Variants in ULK4 observed in about 807,000 individuals in gnomAD.
ULK4 encodes the protein unc-51 like kinase 4.
Under a neutral mutation model 160.6 loss-of-function variants are expected in ULK4, and 133 were observed. The ratio of observed to expected loss-of-function variants is 0.83; its 90% CI spans 0.72 to 0.96. ULK4 has a LOEUF of 0.96. Among genes scored for constraint, ULK4 ranks in the 40% least tolerant of loss-of-function variants. The probability of loss-of-function intolerance (pLI) is 0.00; values close to 1 mark genes in which losing one functional copy is unlikely to be tolerated. For missense variants in ULK4, 1,580 were observed against 1,499.5 expected (o/e 1.05, Z -0.89); for synonymous variants, 534 against 539.8 (o/e 0.99, Z 0.15).
chr3:41,716,257 A>ATAAT (rs61069235), intron 23 of ULK4, among the ~76,000 whole-genome samples: 5 of 146,192 alleles, frequency 3.4e-5, no homozygotes, highest in Admixed American at 6.9e-5. Context: ...AATAATAATA[A>ATAAT]GTGAACGAAT....
intron 35 of ULK4, among the ~76,000 whole-genome samples, chr3:41,324,866 C>T (rs531996826): frequency 1.8e-4 from 27 of 152,214 alleles, no homozygotes; most frequent in Middle Eastern, 3.4e-3. Context: ...TTCCAACCAG[C>T]GCCTCATGAT....
intron 35 of ULK4, among the ~76,000 whole-genome samples, chr3:41,331,306 C>T (rs184305189): frequency 1.5e-3 from 228 of 152,244 alleles, no homozygotes; most frequent in Non-Finnish European, 2.7e-3. Flanking sequence ...AAACACTTGG[C>T]CAAGTCAGTT....
At chr3:41,346,489 C>T (rs1463699081) in intron 35 of ULK4, among the ~76,000 whole-genome samples, 1 of 152,160 alleles carries the variant, frequency 6.6e-6, no homozygotes, top group Non-Finnish European at 1.5e-5. Context: ...TGGCTCAGTG[C>T]TCCCACCAGT....
chr3:41,431,339 T>C (rs2082900695), intron 34 of ULK4, among the ~76,000 whole-genome samples: 1 of 147,088 alleles, frequency 6.8e-6, no homozygotes, highest in South Asian at 2.2e-4. Flanking sequence ...ACAGCGAGAC[T>C]CCGTCACACA....
rs538239938 is a variant in ULK4 at position 41,511,502 on chromosome 3, T to G, written c.3227-48249A>C. On this transcript the variant is annotated intron_variant, in intron 32 of 36. Transcript: ENST00000301831. Reference sequence around the variant, plus strand: ...AACACAAAAGATTATTCAAGGCTACTATGAGCACCTTTTGGCACATAAACT... The same window carrying G: ...AACACAAAAGATTATTCAAGGCTACGATGAGCACCTTTTGGCACATAAACT... Among the ~76,000 whole-genome samples, 260 of 152,282 alleles carry G rather than the reference T, an allele frequency of 1.7e-3. 3 individuals are homozygous for G. The highest frequency in any genetic ancestry group is 2.7e-3 in the Non-Finnish European group (183 of 68,024).
chr3:41,652,442 G>C (rs1010730914), intron 30 of ULK4, among the ~76,000 whole-genome samples: 1 of 152,158 alleles, frequency 6.6e-6, no homozygotes, highest in African/African-American at 2.4e-5. Flanking sequence ...ACCTGGGTTT[G>C]TTTCTGCAGG....
chr3:41,344,972 A>G (rs2080769804), intron 35 of ULK4, among the ~76,000 whole-genome samples: 2 of 152,216 alleles, frequency 1.3e-5, no homozygotes, highest in Non-Finnish European at 2.9e-5. Context: ...GGCAAAGGAC[A>G]TGAACAGACA....
chr3:41,330,948 T>G (rs1339079994), intron 35 of ULK4, among the ~76,000 whole-genome samples: 1 of 152,136 alleles, frequency 6.6e-6, no homozygotes, highest in African/African-American at 2.4e-5. Context: ...AGCTTAGCAT[T>G]TGGCATTGCA....
At chr3:41,785,153 T>C (rs929154465) in intron 21 of ULK4, among the ~76,000 whole-genome samples, 8 of 152,182 alleles carry the variant, frequency 5.3e-5, no homozygotes, top group Non-Finnish European at 7.3e-5. Context: ...GTGTTCATCA[T>C]ATCATGATGA....
At chr3:41,429,297 G>A (rs1431006610) in intron 34 of ULK4, among the ~76,000 whole-genome samples, 4 of 152,180 alleles carry the variant, frequency 2.6e-5, no homozygotes, top group African/African-American at 9.7e-5. Context: ...TTACACTGTT[G>A]GTGGGAGTGT....
At chr3:41,337,880 T>A (rs1386671381) in intron 35 of ULK4, among the ~76,000 whole-genome samples, 1 of 152,116 alleles carries the variant, frequency 6.6e-6, no homozygotes, top group African/African-American at 2.4e-5. Flanking sequence ...AAGTTCTGCA[T>A]CAGGGGATAG....
intron 2 of ULK4, among the ~76,000 whole-genome samples, chr3:41,948,113 G>T (rs1348710182): frequency 6.6e-6 from 1 of 151,994 alleles, no homozygotes; most frequent in Non-Finnish European, 1.5e-5. Context: ...TGTTCTCTAT[G>T]TATTTCTTGT....
chr3:41,315,570 C>T (rs2080128991), intron 35 of ULK4, among the ~76,000 whole-genome samples: 1 of 152,156 alleles, frequency 6.6e-6, no homozygotes, highest in South Asian at 2.1e-4. Context: ...TCTACTAAAA[C>T]TCAGTAAGAA....
intron 32 of ULK4, among the ~76,000 whole-genome samples, chr3:41,474,209 T>C (rs2084074600): frequency 6.6e-6 from 1 of 152,146 alleles, no homozygotes; most frequent in South Asian, 2.1e-4. Context: ...GAAACACATG[T>C]GTAGCCAATT....
chr3:41,716,240 T>C (rs1319071178), intron 23 of ULK4, among the ~76,000 whole-genome samples: 2 of 147,506 alleles, frequency 1.4e-5, no homozygotes, highest in African/African-American at 4.9e-5. Flanking sequence ...ATAATAATAA[T>C]AATAATAATA....
At chr3:41,635,626 T>C (rs55719536) in intron 30 of ULK4, among the ~76,000 whole-genome samples, 7,540 of 152,278 alleles carry the variant, frequency 0.05, 425 homozygotes, top group African/African-American at 0.13. Context: ...AGTGAGCATG[T>C]ACTGTGTCAC....
chr3:41,752,826 C>A (rs1273124064), intron 22 of ULK4, among the ~76,000 whole-genome samples: 6 of 152,122 alleles, frequency 3.9e-5, no homozygotes, highest in Non-Finnish European at 8.8e-5. Flanking sequence ...TTATCTCCCC[C>A]TTCCCCGAAA....
At chr3:41,491,265 A>G (rs2084751723) in intron 32 of ULK4, among the ~76,000 whole-genome samples, 1 of 152,200 alleles carries the variant, frequency 6.6e-6, no homozygotes, top group African/African-American at 2.4e-5. Flanking sequence ...TAAAATAAAT[A>G]GTCAACATGT....
intron 32 of ULK4, among the ~76,000 whole-genome samples, chr3:41,487,683 A>G: frequency 6.6e-6 from 1 of 152,196 alleles, no homozygotes; most frequent in Non-Finnish European, 1.5e-5. Context: ...TCATAAAAAC[A>G]AATCCCAGCC....
Sources: allele counts gnomAD v4.1 joint callset (sites outside exome capture counted in the v4.1 genomes callset), GRCh38; gene constraint gnomAD v4.1.1; transcripts MANE v1.5; gene names NCBI Gene and HGNC (gene_info 2026-07-23, HGNC 2026-07-21).